CTDSPL2: variants seen among roughly 807,000 people sequenced by gnomAD.
CTDSPL2 encodes the protein CTD small phosphatase like 2, also known as CTD small phosphatase-like protein 2.
A neutral mutation model predicts 60.0 loss-of-function variants in CTDSPL2; 5 were observed. The ratio of observed to expected loss-of-function variants is 0.08; its 90% CI spans 0.04 to 0.18. The LOEUF (loss-of-function observed/expected upper bound fraction) is 0.18. Among genes scored for constraint, CTDSPL2 ranks in the 10% least tolerant of loss-of-function variants. The pLI, the probability that CTDSPL2 is intolerant of heterozygous loss-of-function variation, is 1.00. For missense variants in CTDSPL2, 370 were observed against 548.8 expected (o/e 0.67, Z 3.26); for synonymous variants, 186 against 189.3 (o/e 0.98, Z 0.14).
chr15:44,464,414 A>G (rs1268039114), intron 2 of CTDSPL2, among the ~76,000 whole-genome samples: 1 of 152,208 alleles, frequency 6.6e-6, no homozygotes, highest in Non-Finnish European at 1.5e-5. Flanking sequence ...ACCACTGTAT[A>G]CTACTGCATC....
At position 44,524,276 on chromosome 15, in the gene CTDSPL2, C is replaced by T. The variant is rs761248094; in HGVS notation, c.*102C>T. 2 of 857,686 alleles carry T rather than the reference C, an allele frequency of 2.3e-6. No homozygotes were observed. Among genetic ancestry groups the T allele is most frequent in the African/African-American group, 1.7e-5 (1 of 59,588 alleles). The allele number at this position is 857,686 out of a possible 1,614,324, so 53.1% of individuals were successfully genotyped here. On this transcript the variant is annotated 3_prime_UTR_variant, in exon 13 of 13. Transcript: ENST00000260327. Reference sequence around the variant, plus strand: ...ACTGTTGAAATTTTGCATTTTTGTACCCCGTCTTGCTTTTCTTATCTTTGG... The same window carrying T: ...ACTGTTGAAATTTTGCATTTTTGTATCCCGTCTTGCTTTTCTTATCTTTGG...
intron 1 of CTDSPL2, among the ~76,000 whole-genome samples, chr15:44,433,485 CACTT>C (rs2079906436): frequency 1.3e-5 from 2 of 148,538 alleles, no homozygotes. Context: ...CACACACACA[CACTT>C]TTTTTTCTCT....
chr15:44,435,984 A>G (rs960184478), intron 1 of CTDSPL2, among the ~76,000 whole-genome samples: 1 of 152,030 alleles, frequency 6.6e-6, no homozygotes, highest in African/African-American at 2.4e-5. Flanking sequence ...TAGGTGACGG[A>G]GAAATCTGTT....
intron 3 of CTDSPL2, among the ~76,000 whole-genome samples, 189 bp downstream of exon 3, chr15:44,484,551 G>A (rs1173677916): frequency 2.0e-5 from 3 of 152,150 alleles, no homozygotes; most frequent in African/African-American, 4.8e-5. Context: ...CCTGGCCAAC[G>A]TGGCAAAACC....
chr15:44,488,961 A>G (rs1459776796), intron 4 of CTDSPL2, among the ~76,000 whole-genome samples: 5 of 152,180 alleles, frequency 3.3e-5, no homozygotes, highest in African/African-American at 1.2e-4. Flanking sequence ...TTGAAGTTTG[A>G]TAGAGTTTTC....
chr15:44,450,172 A>G (rs1268127094), intron 1 of CTDSPL2, among the ~76,000 whole-genome samples: 1 of 152,064 alleles, frequency 6.6e-6, no homozygotes, highest in Non-Finnish European at 1.5e-5. Context: ...AGATTTTTAG[A>G]AAAAAGAGGG....
chr15:44,428,762 C>T (rs2079798230), intron 1 of CTDSPL2, among the ~76,000 whole-genome samples: 1 of 152,194 alleles, frequency 6.6e-6, no homozygotes, highest in Non-Finnish European at 1.5e-5. Flanking sequence ...TTGTAGATTG[C>T]TTTGTCTCCC....
At chr15:44,428,049 C>CT (rs1567052003) in intron 1 of CTDSPL2, 1 of 196,336 alleles carries the variant, frequency 5.1e-6, no homozygotes, top group African/African-American at 2.3e-5. Context: ...TTTCACTTTG[C>CT]TACCCACCCC....
intron 1 of CTDSPL2, among the ~76,000 whole-genome samples, chr15:44,429,715 A>G (rs2079818904): frequency 6.6e-6 from 1 of 152,076 alleles, no homozygotes; most frequent in Non-Finnish European, 1.5e-5. Flanking sequence ...AAAATACAAA[A>G]ATTAGCCGGG....
chr15:44,507,586 TA>T (rs981472777), intron 8 of CTDSPL2, among the ~76,000 whole-genome samples: 97 of 152,366 alleles, frequency 6.4e-4, no homozygotes, highest in African/African-American at 2.3e-3. Flanking sequence ...CTCTAGGGCC[TA>T]CCTGAATAAC....
intron 2 of CTDSPL2, among the ~76,000 whole-genome samples, chr15:44,462,355 C>T (rs2080588679): frequency 6.6e-6 from 1 of 152,192 alleles, no homozygotes; most frequent in African/African-American, 2.4e-5. Context: ...ACCGTTTTGG[C>T]ACTAGCAGCT....
chr15:44,441,633 G>A (rs2080088561), intron 1 of CTDSPL2, among the ~76,000 whole-genome samples: 1 of 152,112 alleles, frequency 6.6e-6, no homozygotes, highest in South Asian at 2.1e-4. Context: ...GCCCGTGCTT[G>A]CTTTCTGTCT....
intron 1 of CTDSPL2, among the ~76,000 whole-genome samples, chr15:44,440,471 C>A (rs887816599): frequency 1.3e-5 from 2 of 152,128 alleles, no homozygotes; most frequent in East Asian, 3.9e-4. Context: ...GCTGGGATTA[C>A]AGGCATGAGC....
intron 2 of CTDSPL2, among the ~76,000 whole-genome samples, chr15:44,482,122 G>A (rs2081038673): frequency 6.6e-6 from 1 of 152,116 alleles, no homozygotes; most frequent in Non-Finnish European, 1.5e-5. Flanking sequence ...CCTGCGTAGG[G>A]ATGTCCAAGT....
intron 10 of CTDSPL2, among the ~76,000 whole-genome samples, chr15:44,517,919 T>A (rs1388601498): frequency 2.0e-5 from 3 of 152,250 alleles, no homozygotes; most frequent in Non-Finnish European, 4.4e-5. Context: ...GACTAAACTT[T>A]CCCGGGGCCA....
At chr15:44,491,430 C>T (rs887695230) in intron 5 of CTDSPL2, among the ~76,000 whole-genome samples, 4 of 152,142 alleles carry the variant, frequency 2.6e-5, no homozygotes, top group Admixed American at 2.0e-4. Flanking sequence ...CTAGATCTCC[C>T]TATATACCTA....
intron 10 of CTDSPL2, among the ~76,000 whole-genome samples, chr15:44,516,345 A>G (rs938283486): frequency 6.6e-6 from 1 of 152,180 alleles, no homozygotes; most frequent in Non-Finnish European, 1.5e-5. Flanking sequence ...TTCTGCTGTT[A>G]ACAGTACCTT....
chr15:44,513,136 CAG>C (rs897601609), intron 8 of CTDSPL2, among the ~76,000 whole-genome samples: 6 of 150,938 alleles, frequency 4.0e-5, no homozygotes, highest in Admixed American at 4.0e-4. Flanking sequence ...GAGATGGGGA[CAG>C]AGTGATATTA....
intron 2 of CTDSPL2, among the ~76,000 whole-genome samples, chr15:44,478,173 A>T (rs915906348): frequency 6.6e-6 from 1 of 152,066 alleles, no homozygotes; most frequent in African/African-American, 2.4e-5. Flanking sequence ...GGGGCTGAGC[A>T]TGGTGGCTGA....
Sources: gnomAD v4.1 joint callset for allele counts (sites outside exome capture counted in the v4.1 genomes callset) on GRCh38, gnomAD v4.1.1 for gene constraint, MANE v1.5 for transcripts, NCBI Gene and HGNC (gene_info 2026-07-23, HGNC 2026-07-21) for gene names.